The following DPP6 variants were observed in gnomAD, a reference collection of about 807,000 sequenced individuals.
The protein encoded by DPP6 is dipeptidyl peptidase like 6.
In DPP6, 69 loss-of-function variants were observed where a neutral mutation model predicts 122.6. The ratio of observed to expected loss-of-function variants is 0.56; its 90% confidence interval spans 0.46 to 0.69. DPP6 has a LOEUF of 0.69. DPP6 is among the 30% of genes least tolerant of loss of function. The probability of loss-of-function intolerance (pLI) is 0.00; values close to 1 mark genes in which losing one functional copy is unlikely to be tolerated. For missense variants in DPP6, 928 were observed against 1,116.9 expected (o/e 0.83, Z 2.41); for synonymous variants, 418 against 433.1 (o/e 0.97, Z 0.43).
intron 1 of DPP6, among the ~76,000 whole-genome samples, chr7:154,062,145 A>T (rs10235571): frequency 0.4 from 36,061 of 89,868 alleles, 14,646 homozygotes; most frequent in African/African-American, 0.8. Flanking sequence ...CCAGACCCTC[A>T]TCCCCCACCG....
intron 5 of DPP6, among the ~76,000 whole-genome samples, chr7:154,628,725 C>G (rs1420001018): frequency 6.6e-6 from 1 of 152,118 alleles, no homozygotes; most frequent in Non-Finnish European, 1.5e-5. Flanking sequence ...CCTGAATGCC[C>G]ACCTGATAAT....
chr7:153,972,242 C>T (rs1187828656), intron 1 of DPP6, among the ~76,000 whole-genome samples: 2 of 150,288 alleles, frequency 1.3e-5, no homozygotes, highest in Non-Finnish European at 3.0e-5. Flanking sequence ...CCCTAGGTAG[C>T]GCATGAGGCT....
chr7:154,880,701 G>C (rs1805317806), intron 20 of DPP6, among the ~76,000 whole-genome samples, 187 bp from the exon 21 acceptor site: 1 of 152,152 alleles, frequency 6.6e-6, no homozygotes, highest in Non-Finnish European at 1.5e-5. Flanking sequence ...GTTTTAACGT[G>C]AACATGCTGA....
intron 1 of DPP6, among the ~76,000 whole-genome samples, chr7:153,887,982 T>A (rs1021880133): frequency 6.6e-6 from 1 of 150,502 alleles, no homozygotes; most frequent in African/African-American, 2.4e-5. Flanking sequence ...GGCATGTGGC[T>A]TTGTGTTTTG....
intron 7 of DPP6, among the ~76,000 whole-genome samples, chr7:154,725,349 G>C (rs370063910): frequency 2.0e-5 from 3 of 152,200 alleles, no homozygotes; most frequent in African/African-American, 7.2e-5. Context: ...ATAAAGAAAA[G>C]AGGTTTAATT....
chr7:154,709,889 C>T (rs1290508055), intron 7 of DPP6, among the ~76,000 whole-genome samples: 1 of 152,174 alleles, frequency 6.6e-6, no homozygotes, highest in African/African-American at 2.4e-5. Context: ...GAAGGTTGGC[C>T]TATGTCAGGG....
the DPP6 span, among the ~76,000 whole-genome samples, chr7:153,830,901 T>C: frequency 6.6e-6 from 1 of 152,242 alleles, no homozygotes; most frequent in Non-Finnish European, 1.5e-5. Context: ...GATTAGCATT[T>C]CCTAAGCAAG....
At chr7:153,875,813 T>C in the DPP6 span, among the ~76,000 whole-genome samples, 8 of 151,808 alleles carry the variant, frequency 5.3e-5, no homozygotes, top group Non-Finnish European at 5.9e-5. Flanking sequence ...GTGTCAGTGA[T>C]TGCATTAATG....
chr7:153,775,599 G>C, the DPP6 span, among the ~76,000 whole-genome samples: 4 of 151,838 alleles, frequency 2.6e-5, no homozygotes, highest in Admixed American at 2.6e-4. Flanking sequence ...AGAGAAGTCA[G>C]GAAAAGAAAT....
At chr7:154,302,571 G>A (rs1352193535) in intron 1 of DPP6, among the ~76,000 whole-genome samples, 3 of 152,182 alleles carry the variant, frequency 2.0e-5, no homozygotes, top group East Asian at 1.9e-4. Context: ...GGGGAGCCCC[G>A]GTGGGGCCTG....
the DPP6 span, among the ~76,000 whole-genome samples, chr7:153,801,970 TCAAA>T: frequency 6.6e-6 from 1 of 152,082 alleles, no homozygotes; most frequent in Non-Finnish European, 1.5e-5. Context: ...TCCTCATGTC[TCAAA>T]CAGAGGGGAA....
intron 7 of DPP6, among the ~76,000 whole-genome samples, chr7:154,676,650 C>A (rs1370619702): frequency 6.6e-6 from 1 of 152,240 alleles, no homozygotes; most frequent in Non-Finnish European, 1.5e-5. Context: ...CTAAGCCACA[C>A]CTCAGTGTGA....
chr7:153,889,600 C>T (rs1352314926), intron 1 of DPP6, among the ~76,000 whole-genome samples: 1 of 152,160 alleles, frequency 6.6e-6, no homozygotes, highest in Non-Finnish European at 1.5e-5. Flanking sequence ...CTTTGCCCTC[C>T]CCCTAACCCC....
chr7:154,648,195 GAGGCAGAGGTTAC>G (rs1836625860), intron 6 of DPP6, among the ~76,000 whole-genome samples: 1 of 151,604 alleles, frequency 6.6e-6, no homozygotes, highest in South Asian at 2.1e-4. Flanking sequence ...TTGAACCTGC[GAGGCAGAGGTTAC>G]AGTGAGCCGA....
chr7:154,260,374 G>A (rs1802933546), intron 1 of DPP6, among the ~76,000 whole-genome samples: 1 of 152,054 alleles, frequency 6.6e-6, no homozygotes, highest in Non-Finnish European at 1.5e-5. Context: ...TTATTCGTGG[G>A]ATTTTGGTGC....
At chr7:154,733,433 G>C (rs1842431379) in intron 8 of DPP6, among the ~76,000 whole-genome samples, 1 of 152,238 alleles carries the variant, frequency 6.6e-6, no homozygotes. Flanking sequence ...AGGCCAGCGT[G>C]AGGCAAGGCC....
chr7:154,196,118 C>T (rs527658899), intron 1 of DPP6, among the ~76,000 whole-genome samples: 1 of 152,300 alleles, frequency 6.6e-6, no homozygotes, highest in East Asian at 1.9e-4. Flanking sequence ...TCTGTGTTTC[C>T]CCACAGAGCT....
intron 1 of DPP6, among the ~76,000 whole-genome samples, chr7:154,032,387 G>A (rs1585205061): frequency 1.3e-5 from 2 of 152,080 alleles, no homozygotes; most frequent in East Asian, 1.9e-4. Context: ...GCTTAGAGAG[G>A]TAGCAAAGCG....
intron 1 of DPP6, among the ~76,000 whole-genome samples, chr7:153,981,922 T>C (rs12537242): frequency 0.14 from 14,106 of 100,814 alleles, 277 homozygotes; most frequent in African/African-American, 0.18. Flanking sequence ...GCTGTTAGTC[T>C]GATGGGCTTT....
Sources: gnomAD v4.1 joint callset for allele counts (sites outside exome capture counted in the v4.1 genomes callset) on GRCh38, gnomAD v4.1.1 for gene constraint, MANE v1.5 for transcripts, NCBI Gene and HGNC (gene_info 2026-07-23, HGNC 2026-07-21) for gene names.